The following PTPRM variants were observed in gnomAD, a reference collection of about 807,000 sequenced individuals.
PTPRM encodes receptor-type tyrosine-protein phosphatase mu.
Under a neutral mutation model 186.7 loss-of-function variants are expected in PTPRM, and 47 were observed. The observed-to-expected ratio is 0.25, with a 90% CI of 0.20 to 0.32. The LOEUF (loss-of-function observed/expected upper bound fraction) is 0.32, where lower values mean the gene tolerates loss of function less well. PTPRM is among the 10% of genes least tolerant of loss of function. PTPRM has a pLI of 1.00. For missense variants in PTPRM, 1,494 were observed against 1,865.0 expected (o/e 0.80, Z 3.66); for synonymous variants, 668 against 674.9 (o/e 0.99, Z 0.16).
chr18:7,675,811 T>G (rs1410742853), intron 1 of PTPRM, among the ~76,000 whole-genome samples: 1 of 151,844 alleles, frequency 6.6e-6, no homozygotes, highest in Admixed American at 6.6e-5. Flanking sequence ...CTCGGCTCAC[T>G]GCAACCTCTG....
chr18:7,575,027 G>A (rs1476681061), intron 1 of PTPRM, among the ~76,000 whole-genome samples: 2 of 152,154 alleles, frequency 1.3e-5, no homozygotes, highest in African/African-American at 2.4e-5. Context: ...GCGAGACTCC[G>A]TCTCAAAAAA....
chr18:7,906,428 G>C, intron 3 of PTPRM, 77 bp from the exon 4 acceptor site: 4 of 1,070,946 alleles, frequency 3.7e-6, no homozygotes, highest in Non-Finnish European at 5.7e-6. Context: ...ACGAAATTAT[G>C]TGTCTTATAT....
chr18:7,594,244 A>G (rs1327670476), intron 1 of PTPRM, among the ~76,000 whole-genome samples: 4 of 152,200 alleles, frequency 2.6e-5, no homozygotes, highest in African/African-American at 9.6e-5. Flanking sequence ...CTGTACTCCT[A>G]GCACTTTGGG....
Position 7,989,353 on chromosome 18 carries a change from A to G in PTPRM, c.1132+33939A>G, listed in dbSNP as rs143806873. ...ACCTTGCTTCCATATTGCTATTATT[A>G]GCCCCAAACCACCATCTTGGTTCAT... On this transcript the variant is annotated intron_variant, in intron 7 of 32. Coordinates refer to ENST00000580170, the MANE Select transcript of PTPRM (RefSeq NM_001105244.2). 2.9e-3 allele frequency among the ~76,000 whole-genome samples: 448 copies of G among 152,276 alleles called. 2 individuals carry two copies. The highest frequency in any genetic ancestry group is 0.011 in the African/African-American group (437 of 41,574).
chr18:8,152,078 G>A (rs976897730), intron 14 of PTPRM, among the ~76,000 whole-genome samples: 2 of 142,316 alleles, frequency 1.4e-5, no homozygotes. Flanking sequence ...GCTGGGAGCT[G>A]CAGACCGGAG....
At chr18:8,224,340 C>T (rs1048558291) in intron 14 of PTPRM, among the ~76,000 whole-genome samples, 1 of 152,198 alleles carries the variant, frequency 6.6e-6, no homozygotes, top group African/African-American at 2.4e-5. Context: ...AAGGAGAACC[C>T]TCTTTCAGGA....
intron 4 of PTPRM, among the ~76,000 whole-genome samples, chr18:7,917,696 A>G (rs1034239552): frequency 6.6e-6 from 1 of 152,144 alleles, no homozygotes. Context: ...TTGAATTGTT[A>G]CTATCTTCTA....
At chr18:7,836,185 GTCTT>G (rs2046039692) in intron 2 of PTPRM, among the ~76,000 whole-genome samples, 1 of 151,810 alleles carries the variant, frequency 6.6e-6, no homozygotes, top group African/African-American at 2.4e-5. Context: ...TTTTCTTCCT[GTCTT>G]TCTTTTAGTG....
chr18:7,682,823 T>C (rs1032754466), intron 1 of PTPRM, among the ~76,000 whole-genome samples: 2 of 152,206 alleles, frequency 1.3e-5, no homozygotes, highest in Non-Finnish European at 1.5e-5. Context: ...CTCTTTCCTC[T>C]CTGTCTTGGG....
At position 8,069,691 on chromosome 18, in the gene PTPRM, A is replaced by G. The variant is rs755629324; in HGVS notation, c.1138A>G (p.Met380Val). ...LRTRTKCADP[M>V]RGPRKLEVVE... ...TTGTCTTCTTTTCTAAATAGATCCC[A>G]TGCGAGGCCCAAGAAAACTAGAAGT... The change falls in exon 8 of 33, where the codon ATG (methionine) becomes GTG (valine). Residue 380 changes from methionine (M) to valine (V), a missense_variant. Physicochemically the swap from Met to Val is conservative, Grantham distance 21. Coordinates refer to ENST00000580170, the MANE Select transcript of PTPRM (RefSeq NM_001105244.2). The G allele has an allele frequency of 1.2e-6, 2 of 1,610,800 alleles. No individual in the cohort carries two copies. Among genetic ancestry groups the G allele is most frequent in the South Asian group, 1.1e-5 (1 of 90,976 alleles).
intron 29 of PTPRM, among the ~76,000 whole-genome samples, chr18:8,382,878 A>C (rs1239634333): frequency 5.9e-5 from 9 of 152,208 alleles, no homozygotes; most frequent in Admixed American, 5.9e-4. Flanking sequence ...CTGACACATC[A>C]TTCTGCATAA....
intron 19 of PTPRM, among the ~76,000 whole-genome samples, chr18:8,258,286 A>G (rs1489109232): frequency 4.6e-5 from 7 of 152,254 alleles, no homozygotes; most frequent in Non-Finnish European, 1.0e-4. Flanking sequence ...GAAAAGTAGA[A>G]GAGAGAGCGC....
chr18:8,097,763 T>C (rs1177647091), intron 11 of PTPRM, among the ~76,000 whole-genome samples: 1 of 152,142 alleles, frequency 6.6e-6, no homozygotes, highest in East Asian at 1.9e-4. Flanking sequence ...GAGCAATCAG[T>C]AGAAAAGCCT....
At chr18:7,796,519 A>T (rs1247521123) in intron 2 of PTPRM, among the ~76,000 whole-genome samples, 3 of 152,208 alleles carry the variant, frequency 2.0e-5, no homozygotes, top group Non-Finnish European at 2.9e-5. Flanking sequence ...CTCACTCCAC[A>T]GCAGGTCTGA....
intron 2 of PTPRM, among the ~76,000 whole-genome samples, chr18:7,846,634 G>T (rs1369456884): frequency 2.6e-5 from 4 of 152,192 alleles, no homozygotes; most frequent in Admixed American, 2.6e-4. Context: ...CCAATGAATT[G>T]GAGGGCTAGG....
At position 8,069,687 on chromosome 18, in the gene PTPRM, T is replaced by C. The variant is rs1248796469; in HGVS notation, c.1134T>C (p.Asp378=). 6.2e-7 allele frequency: 1 copy of C among 1,609,004 alleles called. No individual in the cohort carries two copies. Among genetic ancestry groups the C allele is most frequent in the South Asian group, 1.1e-5 (1 of 90,860 alleles). ...PALRTRTKCA[D]PMRGPRKLEV... ...TCTTTTGTCTTCTTTTCTAAATAGATCCCATGCGAGGCCCAAGAAAACTAG... is the reference window on the plus strand; with the variant it reads ...TCTTTTGTCTTCTTTTCTAAATAGACCCCATGCGAGGCCCAAGAAAACTAG... Residue 378 remains aspartate, a splice_region_variant and synonymous_variant, in exon 8 of 33, where the codon GAT becomes GAC. Transcript: ENST00000580170.
At chr18:8,344,428 ATATG>A (rs1449443996) in intron 23 of PTPRM, among the ~76,000 whole-genome samples, 1,106 of 27,818 alleles carry the variant, frequency 0.04, 25 homozygotes, top group African/African-American at 0.097. Context: ...GGAGATATAT[ATATG>A]TGTGTGTGTG....
intron 23 of PTPRM, among the ~76,000 whole-genome samples, chr18:8,358,437 G>A (rs2095576803): frequency 6.6e-6 from 1 of 152,208 alleles, no homozygotes; most frequent in South Asian, 2.1e-4. Context: ...TGAATTTCCT[G>A]TGGGGAAGAC....
chr18:7,949,241 A>G lies in PTPRM; in HGVS notation c.724A>G (p.Ile242Val). The change falls in exon 6 of 33, where the codon ATT becomes GTT. Residue 242 changes from isoleucine (I) to valine (V), a missense_variant. Physicochemically the swap from Ile to Val is conservative, Grantham distance 29. Coordinates refer to ENST00000580170, the MANE Select transcript of PTPRM (RefSeq NM_001105244.2). ...CAAGGTGACCAGCTCCCGACGCTTC[A>G]TTGCTTCATTTAATGTTGTGAATAC... ...EIKVTSSRRF[I>V]ASFNVVNTTK... 1 of 1,612,250 alleles carries G rather than the reference A, an allele frequency of 6.2e-7. No homozygotes were observed. Among genetic ancestry groups the G allele is most frequent in the Non-Finnish European group, 8.5e-7 (1 of 1,178,262 alleles).
Sources: allele counts gnomAD v4.1 joint callset (sites outside exome capture counted in the v4.1 genomes callset), GRCh38; gene constraint gnomAD v4.1.1; transcripts MANE v1.5; gene names NCBI Gene and HGNC (gene_info 2026-07-23, HGNC 2026-07-21).